LCORL: variants seen among roughly 807,000 people sequenced by gnomAD.
LCORL encodes the protein ligand dependent nuclear receptor corepressor like, also known as ligand-dependent nuclear receptor corepressor-like protein.
Under a neutral mutation model 141.8 loss-of-function variants are expected in LCORL, and 41 were observed. The ratio of observed to expected loss-of-function variants is 0.29; its 90% CI spans 0.23 to 0.38. LCORL has a LOEUF of 0.38. Ranked by LOEUF, LCORL falls within the 10% of genes least tolerant of loss-of-function variation. The pLI, the probability that LCORL is intolerant of heterozygous loss-of-function variation, is 1.00. For synonymous variants in LCORL, 618 were observed against 694.1 expected (o/e 0.89, Z 1.72); for missense variants, 1,759 against 2,035.0 (o/e 0.86, Z 2.61).
chr4:18,009,523 C>T (rs1427598287), intron 1 of LCORL, among the ~76,000 whole-genome samples: 2 of 152,004 alleles, frequency 1.3e-5, no homozygotes, highest in African/African-American at 4.8e-5. Context: ...CCTTTACCCT[C>T]AGGCTCTAAT....
exon 7 of LCORL, chr4:17,875,461 G>A: frequency 8.1e-7 from 1 of 1,231,368 alleles, no homozygotes; most frequent in East Asian, 3.2e-5. Flanking sequence ...TATTCAGTTG[G>A]AAAATCACCA....
intron 4 of LCORL, among the ~76,000 whole-genome samples, chr4:17,943,192 T>G (rs959703927): frequency 1.3e-5 from 2 of 152,136 alleles, no homozygotes; most frequent in African/African-American, 4.8e-5. Context: ...TTATTCTCCC[T>G]ATTGTATCTC....
At chr4:17,879,090 T>G (rs147379825) in intron 6 of LCORL, among the ~76,000 whole-genome samples, 176 of 151,342 alleles carry the variant, frequency 1.2e-3, no homozygotes, top group African/African-American at 3.8e-3. Flanking sequence ...TTATTACATT[T>G]GTTGTTTTTA....
At chr4:17,989,623 A>G (rs1047747216) in intron 1 of LCORL, among the ~76,000 whole-genome samples, 1 of 152,226 alleles carries the variant, frequency 6.6e-6, no homozygotes, top group Non-Finnish European at 1.5e-5. Flanking sequence ...CAATATCTTC[A>G]TATATGTCCA....
chr4:17,860,557 T>C (rs756488567), intron 7 of LCORL, among the ~76,000 whole-genome samples: 5 of 152,122 alleles, frequency 3.3e-5, no homozygotes, highest in African/African-American at 4.8e-5. Flanking sequence ...AGCTAAACCA[T>C]ATCATTTTGC....
chr4:17,891,693 A>G (rs1231845802), intron 5 of LCORL, among the ~76,000 whole-genome samples: 2 of 152,182 alleles, frequency 1.3e-5, no homozygotes, highest in Non-Finnish European at 2.9e-5. Flanking sequence ...TGCTACTATA[A>G]CATTTTTAAA....
intron 7 of LCORL, among the ~76,000 whole-genome samples, chr4:17,862,827 GATGAAGATGCCA>G (rs1725161283): frequency 6.6e-6 from 1 of 151,590 alleles, no homozygotes; most frequent in Non-Finnish European, 1.5e-5. Flanking sequence ...AAGATGTCAT[GATGAAGATGCCA>G]AAAGCAATTG....
intron 2 of LCORL, among the ~76,000 whole-genome samples, chr4:17,968,658 C>T (rs1225958663): frequency 6.6e-6 from 1 of 152,166 alleles, no homozygotes; most frequent in Non-Finnish European, 1.5e-5. Flanking sequence ...GCAAGCCATA[C>T]AGTCTCTTCA....
chr4:17,933,185 G>A (rs1257695727), intron 4 of LCORL, among the ~76,000 whole-genome samples: 3 of 152,036 alleles, frequency 2.0e-5, no homozygotes, highest in Admixed American at 2.0e-4. Flanking sequence ...TATGTAGTGA[G>A]CTATGTAGTT....
At chr4:18,006,695 G>A (rs1474150903) in intron 1 of LCORL, among the ~76,000 whole-genome samples, 1 of 152,114 alleles carries the variant, frequency 6.6e-6, no homozygotes, top group Non-Finnish European at 1.5e-5. Context: ...CAGATCTCAT[G>A]AGACTCATTC....
intron 6 of LCORL, chr4:17,883,038 T>TA (rs1444692630): frequency 3.1e-6 from 3 of 978,260 alleles, no homozygotes; most frequent in African/African-American, 1.8e-5. Context: ...TCAGTTTTTT[T>TA]AAAGTATATA....
intron 1 of LCORL, among the ~76,000 whole-genome samples, chr4:17,979,210 G>A (rs562416949): frequency 2.0e-5 from 3 of 152,154 alleles, no homozygotes; most frequent in South Asian, 2.1e-4. Flanking sequence ...AACCCTGCCT[G>A]TGCTATAATC....
chr4:18,008,649 A>AT (rs1346157060), intron 1 of LCORL, among the ~76,000 whole-genome samples: 2 of 152,204 alleles, frequency 1.3e-5, no homozygotes, highest in Non-Finnish European at 2.9e-5. Flanking sequence ...ACTATTTCAT[A>AT]TGGAAAATTA....
Position 17,842,646 on chromosome 4 carries a change from C to T in LCORL, c.*3242G>A, listed in dbSNP as rs1722527568. ...CAATTTTTAATTACATGATGTGACT[C>T]CTCTTTGATCTTCAGTTAGCAAACT... On this transcript the variant is annotated 3_prime_UTR_variant, in exon 8 of 8. Transcript: ENST00000635767. The T allele has an allele frequency of 3.8e-5, 12 of 319,736 alleles. No individual in the cohort carries two copies. In the South Asian group the frequency reaches 5.2e-4, roughly 14 times the overall value. 19.8% of individuals were successfully genotyped at this position (319,736 alleles called of 1,614,324 possible).
At chr4:17,902,320 G>A (rs1436978674) in intron 5 of LCORL, among the ~76,000 whole-genome samples, 1 of 152,056 alleles carries the variant, frequency 6.6e-6, no homozygotes, top group Non-Finnish European at 1.5e-5. Context: ...CCTGCAGTCA[G>A]AGGAGGTTAG....
chr4:18,015,947 C>A (rs555155915), intron 1 of LCORL, among the ~76,000 whole-genome samples: 51 of 151,792 alleles, frequency 3.4e-4, no homozygotes, highest in Non-Finnish European at 5.6e-4. Context: ...CAAAGGCCTT[C>A]CTGGTTTCAT....
At chr4:18,005,041 C>T (rs2109844316) in intron 1 of LCORL, among the ~76,000 whole-genome samples, 1 of 152,164 alleles carries the variant, frequency 6.6e-6, no homozygotes, top group African/African-American at 2.4e-5. Flanking sequence ...CCGCAGCCTC[C>T]CGAGTAGCTG....
At chr4:17,877,582 C>T in exon 7 of LCORL, 1 of 1,230,598 alleles carries the variant, frequency 8.1e-7, no homozygotes, top group Admixed American at 4.2e-5. Context: ...ATGTTTGCTT[C>T]AAGTTTGTTA....
intron 2 of LCORL, among the ~76,000 whole-genome samples, chr4:17,968,591 G>A (rs1170604053): frequency 6.6e-6 from 1 of 152,118 alleles, no homozygotes; most frequent in African/African-American, 2.4e-5. Flanking sequence ...AGTATTATAA[G>A]TCAGGGGTCA....
Sources: allele counts gnomAD v4.1 joint callset (sites outside exome capture counted in the v4.1 genomes callset), GRCh38; gene constraint gnomAD v4.1.1; transcripts MANE v1.5; gene names NCBI Gene and HGNC (gene_info 2026-07-23, HGNC 2026-07-21).